FBXO38: variants seen among roughly 807,000 people sequenced by gnomAD.
The protein encoded by FBXO38 is F-box protein 38.
FBXO38 carries 53 observed loss-of-function variants against 131.9 expected under a neutral mutation model. That is an observed-to-expected ratio of 0.40 (90% CI 0.32 to 0.51). FBXO38 has a LOEUF of 0.51. Among genes scored for constraint, FBXO38 ranks in the 20% least tolerant of loss-of-function variants. FBXO38 has a pLI of 0.53. For missense variants in FBXO38, 1,076 were observed against 1,475.6 expected, an observed-to-expected ratio of 0.73 and a Z score of 4.44; for synonymous variants, 452 against 505.6, an observed-to-expected ratio of 0.89 and a Z score of 1.42.
At position 148,424,819 on chromosome 5, in the gene FBXO38, C is replaced by T. The variant is rs539406404; in HGVS notation, c.1738+702C>T. 6.6e-5 allele frequency among the ~76,000 whole-genome samples: 10 copies of T among 152,242 alleles called. 2 individuals are homozygous for T. Among genetic ancestry groups the T allele is most frequent in the African/African-American group, 2.4e-4 (10 of 41,542 alleles). On this transcript the variant is annotated intron_variant, in intron 13 of 21. Coordinates refer to ENST00000340253, the MANE Select transcript of FBXO38 (RefSeq NM_205836.3). ...TCAACAAATATTTATTGAGTGCCTA[C>T]TCTGTGTCAGGCATTGTACAATGTG... is the stretch of plus-strand genomic sequence containing the variant.
chr5:148,422,766 A>G (rs1049964356), intron 12 of FBXO38, among the ~76,000 whole-genome samples: 3 of 152,330 alleles, frequency 2.0e-5, no homozygotes, highest in South Asian at 2.1e-4. Context: ...ACCTTATCAC[A>G]TTGATGTTTG....
At chr5:148,406,700 G>A (rs1752463192) in intron 7 of FBXO38, among the ~76,000 whole-genome samples, 2 of 152,122 alleles carry the variant, frequency 1.3e-5, no homozygotes. Context: ...AATGTTAACA[G>A]GGATTTCTAG....
At chr5:148,396,938 T>C (rs368249407) in intron 2 of FBXO38, among the ~76,000 whole-genome samples, 54 of 152,214 alleles carry the variant, frequency 3.5e-4, no homozygotes, top group African/African-American at 1.2e-3. Flanking sequence ...AAATAGATCA[T>C]ATAACATTGT....
chr5:148,430,177 C>T (rs565195522), intron 15 of FBXO38: 244 of 139,330 alleles, frequency 1.8e-3, no homozygotes, highest in African/African-American at 6.4e-3. Context: ...TTTTTTGAGA[C>T]GAATTCTCGC....
chr5:148,402,205 A>G (rs1347002930), intron 4 of FBXO38, 60 bp downstream of exon 4: 4 of 1,568,816 alleles, frequency 2.5e-6, no homozygotes, highest in Non-Finnish European at 3.5e-6. Context: ...AGACCAAAGA[A>G]TGATAGACGT....
chr5:148,415,289 G>C (rs1752985569), intron 10 of FBXO38: 1 of 152,098 alleles, frequency 6.6e-6, no homozygotes, highest in Admixed American at 6.5e-5. Flanking sequence ...CCATCACTCA[G>C]AATTCCTGTT....
intron 9 of FBXO38, among the ~76,000 whole-genome samples, chr5:148,412,251 C>T (rs1483991375): frequency 6.6e-6 from 1 of 152,280 alleles, no homozygotes; most frequent in East Asian, 1.9e-4. Flanking sequence ...ATACTATCTT[C>T]TGTCCCTCCA....
At chr5:148,429,537 A>C (rs1753913224) in intron 15 of FBXO38, among the ~76,000 whole-genome samples, 1 of 152,026 alleles carries the variant, frequency 6.6e-6, no homozygotes, top group Non-Finnish European at 1.5e-5. Flanking sequence ...CTAGCCATGC[A>C]TTTGCCATTT....
chr5:148,427,689 A>G lies in FBXO38; in HGVS notation c.2395A>G (p.Thr799Ala). 1.1e-5 allele frequency: 18 copies of G among 1,614,056 alleles called. No homozygotes were observed. Among genetic ancestry groups the G allele is most frequent in the Non-Finnish European group, 1.4e-5 (17 of 1,179,974 alleles). ...GTGTTCTGATGAGGAACGTCCTTCA[A>G]CCAGCCGAGCCTGTGTTGTGAATGG... ...SRCSDEERPS[T>A]SRACVVNGPD... is the part of the protein sequence containing the mutation. The change falls in exon 15 of 22, where the codon ACC becomes GCC. Residue 799 changes from threonine (T) to alanine (A), a missense_variant. Physicochemically the swap from Thr to Ala is moderately conservative, Grantham distance 58. Coordinates refer to ENST00000340253, the MANE Select transcript of FBXO38 (RefSeq NM_205836.3).
At chr5:148,430,105 C>T (rs1753945595) in intron 15 of FBXO38, 1 of 149,752 alleles carries the variant, frequency 6.7e-6, no homozygotes, top group African/African-American at 2.4e-5. Flanking sequence ...TTGGAAAAAA[C>T]AAGAAGTTAT....
rs111850286 is a variant in FBXO38 at position 148,398,073 on chromosome 5, G to A, written c.129-926G>A. On this transcript the variant is annotated intron_variant, in intron 2 of 21. Transcript: ENST00000340253. ...ATTGGCTAAAGTTAACAGCCAGAGA[G>A]GGGTAGGGAACACAGCAGGTCAGAG... 4.9e-3 allele frequency among the ~76,000 whole-genome samples: 739 copies of A among 152,214 alleles called. 5 individuals are homozygous for A. The highest frequency in any genetic ancestry group is 0.017 in the African/African-American group (691 of 41,536).
intron 4 of FBXO38, 74 bp from the exon 5 acceptor site, chr5:148,402,274 C>T (rs907844367): frequency 5.2e-6 from 8 of 1,541,860 alleles, no homozygotes; most frequent in Non-Finnish European, 7.0e-6. Flanking sequence ...GTGTACTTAG[C>T]ATCTTGTGGT....
At chr5:148,420,871 CG>C (rs1753380359) in intron 12 of FBXO38, among the ~76,000 whole-genome samples, 1 of 151,852 alleles carries the variant, frequency 6.6e-6, no homozygotes, top group African/African-American at 2.4e-5. Flanking sequence ...GTTGCCCAGG[CG>C]GTCTCAACTC....
At chr5:148,408,608 G>A (rs1752569521) in intron 7 of FBXO38, among the ~76,000 whole-genome samples, 1 of 152,188 alleles carries the variant, frequency 6.6e-6, no homozygotes, top group Non-Finnish European at 1.5e-5. Context: ...AAAGAAGCCA[G>A]ACACAAAAGT....
chr5:148,430,857 T>C (rs1331111767), intron 15 of FBXO38: 1 of 152,250 alleles, frequency 6.6e-6, no homozygotes, highest in Non-Finnish European at 1.5e-5. Flanking sequence ...CTTTTAATCC[T>C]CACTGTATAA....
intron 18 of FBXO38, among the ~76,000 whole-genome samples, chr5:148,438,809 A>G (rs1371243648): frequency 1.3e-5 from 2 of 152,166 alleles, no homozygotes; most frequent in Non-Finnish European, 1.5e-5. Flanking sequence ...GTAAAATTAG[A>G]ATAATAATGA....
At chr5:148,437,965 G>C (rs1416346699) in intron 17 of FBXO38, among the ~76,000 whole-genome samples, 1 of 151,950 alleles carries the variant, frequency 6.6e-6, no homozygotes, top group Non-Finnish European at 1.5e-5. Flanking sequence ...TCATTCCTGA[G>C]AGTGAATGTA....
intron 3 of FBXO38, among the ~76,000 whole-genome samples, chr5:148,400,747 A>T (rs1752102637): frequency 6.6e-6 from 1 of 152,174 alleles, no homozygotes; most frequent in African/African-American, 2.4e-5. Flanking sequence ...GGCAACATGT[A>T]TGACAAAAGA....
chr5:148,426,254 G>T (rs10079420), intron 14 of FBXO38, among the ~76,000 whole-genome samples: 60,917 of 151,912 alleles, frequency 0.4, 13,906 homozygotes, highest in African/African-American at 0.62. Context: ...CTTTGGTTTC[G>T]CAGAACCACG....
Sources: allele counts gnomAD v4.1 joint callset (sites outside exome capture counted in the v4.1 genomes callset), GRCh38; gene constraint gnomAD v4.1.1; transcripts MANE v1.5; gene names NCBI Gene and HGNC (gene_info 2026-07-23, HGNC 2026-07-21).